The following APBB2 variants were observed in gnomAD, a reference collection of about 807,000 sequenced individuals.
The protein encoded by APBB2 is amyloid beta precursor protein binding family B member 2.
Under a neutral mutation model 82.5 loss-of-function variants are expected in APBB2, and 38 were observed. That is an observed-to-expected ratio of 0.46 (90% CI 0.36 to 0.60). The LOEUF (loss-of-function observed/expected upper bound fraction) is 0.60. Among genes scored for constraint, APBB2 ranks in the 20% least tolerant of loss-of-function variants. APBB2 has a pLI of 0.00. For synonymous variants in APBB2, 341 were observed against 368.2 expected (o/e 0.93, Z 0.85); for missense variants, 772 against 972.3 (o/e 0.79, Z 2.74).
chr4:40,903,461 C>T (rs750843565), intron 10 of APBB2, among the ~76,000 whole-genome samples: 11 of 151,992 alleles, frequency 7.2e-5, no homozygotes, highest in African/African-American at 9.7e-5. Flanking sequence ...AGTGAGACTC[C>T]GTCTCAAAAA....
At chr4:41,198,125 T>C in intron 1 of APBB2, among the ~76,000 whole-genome samples, 2 of 152,194 alleles carry the variant, frequency 1.3e-5, no homozygotes, top group African/African-American at 4.8e-5. Context: ...TGATAAGAAC[T>C]AGAATTTAAA....
In APBB2 at chr4:40,832,404, G is replaced by A. The variant is rs1287956984; in HGVS notation, c.1530-1827C>T. On this transcript the variant is annotated intron_variant, in intron 12 of 17. Transcript: ENST00000508593. The surrounding 1 kb of genome is among the most constrained non-coding windows in gnomAD (Gnocchi z 4.8). The stretch of plus-strand genomic sequence containing the variant: ...GCACCTCACCTGGCTGCCCCATGAC[G>A]CTTTAATCACCGGCAATCCACACAT... Among the ~76,000 whole-genome samples the A allele has an allele frequency of 6.6e-6, 1 of 152,074 alleles. No homozygotes were observed. The highest frequency in any genetic ancestry group is 1.5e-5 in the Non-Finnish European group (1 of 68,002).
At chr4:40,947,820 C>G in intron 6 of APBB2, among the ~76,000 whole-genome samples, 1 of 152,026 alleles carries the variant, frequency 6.6e-6, no homozygotes, top group East Asian at 1.9e-4. Flanking sequence ...TATTCGACAT[C>G]CAGCATGGCA....
intron 4 of APBB2, among the ~76,000 whole-genome samples, chr4:41,064,844 T>G (rs1731166356): frequency 6.6e-6 from 1 of 152,152 alleles, no homozygotes; most frequent in Admixed American, 6.6e-5. Context: ...CCAGGGGACC[T>G]CTCTTCTGGG....
chr4:40,908,801 G>A (rs1462636753), intron 10 of APBB2, among the ~76,000 whole-genome samples: 4 of 152,160 alleles, frequency 2.6e-5, no homozygotes, highest in African/African-American at 4.8e-5. Context: ...GGGGGAGCCC[G>A]CCACTGCAGG....
intron 17 of APBB2, among the ~76,000 whole-genome samples, chr4:40,816,538 C>T (rs1213914223): frequency 6.6e-6 from 1 of 152,202 alleles, no homozygotes; most frequent in Non-Finnish European, 1.5e-5. Context: ...GAATACACCT[C>T]ACAGTCAATG....
At chr4:41,051,882 T>C (rs10030909) in intron 4 of APBB2, among the ~76,000 whole-genome samples, 25,124 of 152,134 alleles carry the variant, frequency 0.17, 2,297 homozygotes, top group Non-Finnish European at 0.21. Flanking sequence ...TTTAGGTAAG[T>C]CAGCTAACCT....
chr4:40,922,785 A>ATT (rs112361078), intron 10 of APBB2, among the ~76,000 whole-genome samples: 2,051 of 129,968 alleles, frequency 0.016, 52 homozygotes, highest in African/African-American at 0.053. Flanking sequence ...TAAATTTTGT[A>ATT]TTTTTTTTTT....
chr4:40,923,751 G>A (rs1178650488), intron 10 of APBB2, among the ~76,000 whole-genome samples: 1 of 152,202 alleles, frequency 6.6e-6, no homozygotes, highest in Admixed American at 6.5e-5. Flanking sequence ...GCTGCCAAGA[G>A]TTAGACAACA....
chr4:41,159,907 A>AAGGAGAAGG (rs1267899128), intron 1 of APBB2, among the ~76,000 whole-genome samples: 10 of 35,608 alleles, frequency 2.8e-4, no homozygotes, highest in African/African-American at 6.7e-4. Flanking sequence ...GAAGAAGGAG[A>AAGGAGAAGG]AGGAGGAGGA....
intron 12 of APBB2, among the ~76,000 whole-genome samples, chr4:40,837,801 T>G (rs556308825): frequency 1.3e-5 from 2 of 152,346 alleles, no homozygotes; most frequent in East Asian, 3.9e-4. Context: ...TAGTTTCTTG[T>G]GTCTCTTCTT....
At position 40,823,741 on chromosome 4, in the gene APBB2, C is replaced by T; in HGVS notation, c.1835G>A (p.Ser612Asn). Residue 612 changes from serine to asparagine, a missense_variant, in exon 16 of 18, where the codon AGT (serine) becomes AAT (asparagine). Coordinates refer to ENST00000508593, the MANE Select transcript of APBB2 (RefSeq NM_004307.2). ...DKPVGMDILNSAIENLMTSSN... is the reference protein window; with the variant it reads ...DKPVGMDILNNAIENLMTSSN... Reference sequence around the variant, plus strand: ...TGAGGTCATAAGATTTTCTATGGCACTGTTCAAAATATCCATTCCTGGGGA... The same window carrying T: ...TGAGGTCATAAGATTTTCTATGGCATTGTTCAAAATATCCATTCCTGGGGA... The T allele has an allele frequency of 6.2e-7, 1 of 1,612,978 alleles. No individual in the cohort carries two copies. The highest frequency in any genetic ancestry group is 8.5e-7 in the Non-Finnish European group (1 of 1,179,430).
chr4:41,163,209 A>C (rs1488974173), intron 1 of APBB2, among the ~76,000 whole-genome samples: 1 of 152,262 alleles, frequency 6.6e-6, no homozygotes, highest in Non-Finnish European at 1.5e-5. Flanking sequence ...GCAGCAGCAC[A>C]GGTGGGTAAA....
At chr4:40,988,515 G>A (rs1052978241) in intron 6 of APBB2, among the ~76,000 whole-genome samples, 37 of 151,470 alleles carry the variant, frequency 2.4e-4, no homozygotes, top group Non-Finnish European at 5.9e-5. Flanking sequence ...GTGGGTGCCT[G>A]TAATCCCAGC....
rs77044816 is a variant in APBB2, at chr4:40,828,844, A to G, written c.1644+1619T>C. 1.4e-3 allele frequency among the ~76,000 whole-genome samples: 217 copies of G among 151,982 alleles called. 3 individuals are homozygous for G. In the East Asian group the frequency reaches 0.02, roughly 14 times the overall value. On this transcript the variant is annotated intron_variant, in intron 13 of 17. Transcript: ENST00000508593. ...GGGATTCAGAGCAGCAGACGGGGGC[A>G]CTCTTTCATTCTGAGGCTGGGGACA...
intron 3 of APBB2, among the ~76,000 whole-genome samples, chr4:41,073,439 A>G (rs1048947868): frequency 4.6e-5 from 7 of 152,192 alleles, no homozygotes; most frequent in African/African-American, 1.7e-4. Context: ...GCACCTTCAC[A>G]TATATTACCT....
At chr4:40,896,508 AATT>A (rs1773696571) in intron 10 of APBB2, among the ~76,000 whole-genome samples, 1 of 152,244 alleles carries the variant, frequency 6.6e-6, no homozygotes, top group Admixed American at 6.5e-5. Flanking sequence ...CAATAATAAT[AATT>A]ACTTCAGAGG....
chr4:40,922,395 C>G (rs754798875), intron 10 of APBB2, among the ~76,000 whole-genome samples: 1 of 152,180 alleles, frequency 6.6e-6, no homozygotes, highest in Non-Finnish European at 1.5e-5. Flanking sequence ...CTGTTGAGAG[C>G]TGCCACTCTT....
intron 4 of APBB2, among the ~76,000 whole-genome samples, chr4:41,047,262 T>C (rs1173004807): frequency 6.6e-6 from 1 of 152,206 alleles, no homozygotes; most frequent in African/African-American, 2.4e-5. Flanking sequence ...TAAGGTGCTT[T>C]TTGAGAGAAA....
Sources: gnomAD v4.1 joint callset for allele counts (sites outside exome capture counted in the v4.1 genomes callset) on GRCh38, gnomAD v4.1.1 for gene constraint, Gnocchi (gnomAD v3.1) non-coding constraint, MANE v1.5 for transcripts, NCBI Gene and HGNC (gene_info 2026-07-23, HGNC 2026-07-21) for gene names.